BAZ2B: variants seen among roughly 807,000 people sequenced by gnomAD.
BAZ2B encodes the protein bromodomain adjacent to zinc finger domain protein 2B.
In BAZ2B, 91 loss-of-function variants were observed where a neutral mutation model predicts 246.0. The observed-to-expected ratio is 0.37, with a 90% confidence interval of 0.31 to 0.44. The LOEUF (loss-of-function observed/expected upper bound fraction) is 0.44. Among genes scored for constraint, BAZ2B ranks in the 20% least tolerant of loss-of-function variants. The probability of loss-of-function intolerance (pLI) is 1.00; values close to 1 mark genes in which losing one functional copy is unlikely to be tolerated. For synonymous variants in BAZ2B, 855 were observed against 860.0 expected (o/e 0.99, Z 0.10); for missense variants, 2,332 against 2,533.7 (o/e 0.92, Z 1.71).
chr2:159,672,988 C>A, the BAZ2B span, among the ~76,000 whole-genome samples: 5,006 of 152,150 alleles, frequency 0.033, 114 homozygotes, highest in East Asian at 0.13. Context: ...ACTCTAGATT[C>A]ATTGAAAGAA....
At chr2:159,535,124 T>TATAAATAATATAATA (rs1559715964) in intron 2 of BAZ2B, among the ~76,000 whole-genome samples, 6 of 152,130 alleles carry the variant, frequency 3.9e-5, no homozygotes, top group African/African-American at 1.5e-4. Context: ...ATAATTAAAT[T>TATAAATAATATAATA]GGCAAGTGCT....
chr2:159,374,226 T>C (rs1293274704), intron 26 of BAZ2B, among the ~76,000 whole-genome samples: 1 of 152,060 alleles, frequency 6.6e-6, no homozygotes, highest in African/African-American at 2.4e-5. Flanking sequence ...TAACAAGATG[T>C]ATGTAAATAC....
chr2:159,390,417 C>T (rs1200608266), intron 20 of BAZ2B, among the ~76,000 whole-genome samples: 1 of 152,072 alleles, frequency 6.6e-6, no homozygotes, highest in Non-Finnish European at 1.5e-5. Flanking sequence ...CAATCAAGAT[C>T]TTCATTTTTC....
At chr2:159,538,395 G>C (rs2086270042) in intron 2 of BAZ2B, among the ~76,000 whole-genome samples, 1 of 152,038 alleles carries the variant, frequency 6.6e-6, no homozygotes, top group Admixed American at 6.6e-5. Flanking sequence ...GTGGTACTCT[G>C]CATTTATTTG....
chr2:159,544,590 T>C (rs529840813), intron 2 of BAZ2B, among the ~76,000 whole-genome samples: 4 of 152,290 alleles, frequency 2.6e-5, no homozygotes, highest in South Asian at 2.1e-4. Context: ...CAATCCTATA[T>C]AGAGAGCTGC....
chr2:159,321,715 G>A (rs746821832), intron 36 of BAZ2B: 12 of 152,136 alleles, frequency 7.9e-5, no homozygotes, highest in Non-Finnish European at 1.2e-4. Flanking sequence ...CAAAACAATT[G>A]AGCTCATGGA....
At chr2:159,454,174 C>T (rs1178851144) in intron 3 of BAZ2B, among the ~76,000 whole-genome samples, 2 of 151,934 alleles carry the variant, frequency 1.3e-5, no homozygotes, top group Non-Finnish European at 1.5e-5. Flanking sequence ...AAAAAACATC[C>T]TATTAATCTA....
chr2:159,531,324 T>A (rs544570896), intron 2 of BAZ2B, among the ~76,000 whole-genome samples: 4 of 152,296 alleles, frequency 2.6e-5, no homozygotes, highest in African/African-American at 9.6e-5. Context: ...AAAAAAAATT[T>A]TTTTCGATCA....
chr2:159,493,006 A>G (rs949105797), intron 2 of BAZ2B, among the ~76,000 whole-genome samples: 2 of 152,214 alleles, frequency 1.3e-5, no homozygotes, highest in African/African-American at 4.8e-5. Context: ...TGATCCTCAA[A>G]ATACAGTAAA....
chr2:159,394,058 T>C (rs78514371), intron 20 of BAZ2B, among the ~76,000 whole-genome samples: 8,730 of 152,160 alleles, frequency 0.057, 345 homozygotes, highest in Middle Eastern at 0.14. Context: ...CGTTCTGGGT[T>C]ATTTTAGTTA....
rs552579249 is a variant in BAZ2B at position 159,319,577 on chromosome 2, A to G, written c.*688T>C. 1.3e-5 allele frequency: 2 copies of G among 152,776 alleles called. No homozygotes were observed. Among genetic ancestry groups the G allele is most frequent in the East Asian group, 3.9e-4 (2 of 5,186 alleles). The allele number at this position is 152,776 out of a possible 1,614,324, so 9.5% of individuals were successfully genotyped here. On this transcript the variant is annotated 3_prime_UTR_variant, in exon 37 of 37. Transcript: ENST00000392783. The surrounding 1 kb of genome is among the most constrained non-coding windows in gnomAD (Gnocchi z 4.0). ...CTTAATATAAACAAGAATGAACAGTATATACATGTCAATTTTTTCACTGTT... is the reference window on the plus strand; with the variant it reads ...CTTAATATAAACAAGAATGAACAGTGTATACATGTCAATTTTTTCACTGTT...
rs549822457 is a variant in BAZ2B, at chr2:159,557,780, G to A, written c.-45-1915C>T. Among the ~76,000 whole-genome samples the A allele has an allele frequency of 2.6e-5, 4 of 152,258 alleles. No homozygotes were observed. The East Asian group carries it at 7.7e-4, about 29-fold the overall frequency. On this transcript the variant is annotated intron_variant, in intron 1 of 36. Transcript: ENST00000392783. ...ATTTATCAAGTTCCTACTGCATCCA[G>A]CATTATGTCAAGAGCTACAAAGGAT...
At chr2:159,342,703 G>A (rs1367163200) in intron 31 of BAZ2B, among the ~76,000 whole-genome samples, 1 of 151,900 alleles carries the variant, frequency 6.6e-6, no homozygotes. Flanking sequence ...TCCAATTCTA[G>A]GAGTAAATTT....
chr2:159,628,834 T>A, the BAZ2B span, among the ~76,000 whole-genome samples: 1 of 152,066 alleles, frequency 6.6e-6, no homozygotes, highest in Non-Finnish European at 1.5e-5. Context: ...CTAATTAAAC[T>A]AAGGAGCTTC....
At chr2:159,678,488 C>T in the BAZ2B span, among the ~76,000 whole-genome samples, 1 of 152,136 alleles carries the variant, frequency 6.6e-6, no homozygotes, top group Non-Finnish European at 1.5e-5. Flanking sequence ...CATAGCACAG[C>T]ACAGTTACAA....
intron 21 of BAZ2B, among the ~76,000 whole-genome samples, chr2:159,387,096 T>C (rs1559212628): frequency 6.6e-6 from 1 of 152,168 alleles, no homozygotes; most frequent in Non-Finnish European, 1.5e-5. Context: ...AGCATGCATC[T>C]GTGGGCTCTA....
intron 22 of BAZ2B, among the ~76,000 whole-genome samples, chr2:159,385,590 C>G (rs1392246377): frequency 6.6e-6 from 1 of 151,934 alleles, no homozygotes; most frequent in African/African-American, 2.4e-5. Context: ...GGTTCCAAGT[C>G]AGGCAGGGAG....
At chr2:159,495,296 T>TA (rs765789519) in intron 2 of BAZ2B, among the ~76,000 whole-genome samples, 1 of 150,626 alleles carries the variant, frequency 6.6e-6, no homozygotes, top group South Asian at 2.1e-4. Flanking sequence ...CCATCCCGGC[T>TA]AAAACGGTGA....
intron 6 of BAZ2B, among the ~76,000 whole-genome samples, chr2:159,440,289 A>C (rs549290799): frequency 6.6e-6 from 1 of 152,260 alleles, no homozygotes; most frequent in South Asian, 2.1e-4. Context: ...AATAACAATA[A>C]ATTACAAAAG....
Sources: gnomAD v4.1 joint callset for allele counts (sites outside exome capture counted in the v4.1 genomes callset) on GRCh38, gnomAD v4.1.1 for gene constraint, Gnocchi (gnomAD v3.1) non-coding constraint, MANE v1.5 for transcripts, NCBI Gene and HGNC (gene_info 2026-07-23, HGNC 2026-07-21) for gene names.